C22orf31: variants seen among roughly 807,000 people sequenced by gnomAD.
The protein encoded by C22orf31 is chromosome 22 open reading frame 31, also known as uncharacterized protein C22orf31.
In C22orf31, 11 loss-of-function variants were observed where a neutral mutation model predicts 15.0. That is an observed-to-expected ratio of 0.73 (90% CI 0.46 to 1.21). C22orf31 has a LOEUF of 1.21. C22orf31 is among the 50% of genes most tolerant of loss of function. C22orf31 has a pLI of 0.00. For synonymous variants in C22orf31, 132 were observed against 133.3 expected, an observed-to-expected ratio of 0.99 and a Z score of 0.07; for missense variants, 340 against 347.2, an observed-to-expected ratio of 0.98 and a Z score of 0.17.
At chr22:29,073,394 C>T in the C22orf31 span, among the ~76,000 whole-genome samples, 2 of 151,730 alleles carry the variant, frequency 1.3e-5, no homozygotes, top group African/African-American at 2.4e-5. The surrounding 1 kb of genome is among the most constrained non-coding windows in gnomAD (Gnocchi z 4.4). Context: ...CTTCCTGGGA[C>T]CCGGGCTACC....
upstream of C22orf31, among the ~76,000 whole-genome samples, chr22:29,064,615 G>A (rs2037416569): frequency 6.8e-6 from 1 of 147,486 alleles, no homozygotes; most frequent in African/African-American, 2.5e-5. Context: ...CTGGGCTCAA[G>A]CAATCCTCCC....
At chr22:29,061,512 C>G (rs1369115033) in intron 1 of C22orf31, among the ~76,000 whole-genome samples, 3 of 152,060 alleles carry the variant, frequency 2.0e-5, no homozygotes, top group Non-Finnish European at 4.4e-5. Flanking sequence ...ATGATCCGCC[C>G]GCCTCAGCCT....
chr22:29,059,464 C>T (rs762680595), intron 2 of C22orf31, among the ~76,000 whole-genome samples: 6 of 152,200 alleles, frequency 3.9e-5, no homozygotes, highest in African/African-American at 9.7e-5. Context: ...TTGAATGCCA[C>T]GCAAGATCCT....
At chr22:29,064,579 T>C (rs1048711190), upstream of C22orf31, among the ~76,000 whole-genome samples, 1 of 151,614 alleles carries the variant, frequency 6.6e-6, no homozygotes, top group Non-Finnish European at 1.5e-5. Context: ...AGTGGTGTGA[T>C]CACGGCTCAT....
upstream of C22orf31, among the ~76,000 whole-genome samples, chr22:29,063,442 A>G (rs1045180529): frequency 3.9e-5 from 6 of 152,216 alleles, no homozygotes; most frequent in African/African-American, 1.4e-4. Flanking sequence ...CTGGGATTAC[A>G]GGCGTGAGCC....
chr22:29,066,850 C>A, the C22orf31 span, among the ~76,000 whole-genome samples: 1 of 152,020 alleles, frequency 6.6e-6, no homozygotes, highest in African/African-American at 2.4e-5. Context: ...CGGGAGCCAC[C>A]GCGCCCAGCC....
the C22orf31 span, chr22:29,073,164 T>C: frequency 1.7e-6 from 2 of 1,153,466 alleles, no homozygotes; most frequent in Non-Finnish European, 2.1e-6. The surrounding 1 kb of genome is among the most constrained non-coding windows in gnomAD (Gnocchi z 4.4). Flanking sequence ...CGCCCTGCTC[T>C]CCGCCGCGGC....
intron 1 of C22orf31, 106 bp from the exon 2 acceptor site, chr22:29,060,949 T>A: frequency 1.1e-6 from 1 of 926,468 alleles, no homozygotes; most frequent in East Asian, 2.4e-5. Flanking sequence ...TATAGGCCAT[T>A]CCTTCCACCC....
chr22:29,069,766 G>A, the C22orf31 span, among the ~76,000 whole-genome samples: 7 of 151,452 alleles, frequency 4.6e-5, no homozygotes, highest in African/African-American at 1.7e-4. Context: ...AGGTTAGAGG[G>A]ATGTTTTTCA....
chr22:29,068,278 T>G, the C22orf31 span, among the ~76,000 whole-genome samples: 2 of 151,812 alleles, frequency 1.3e-5, no homozygotes, highest in African/African-American at 4.8e-5. Flanking sequence ...TTTTTACAGA[T>G]GGGGTTTCAC....
At chr22:29,063,663 T>C (rs1329820156), upstream of C22orf31, among the ~76,000 whole-genome samples, 1 of 152,198 alleles carries the variant, frequency 6.6e-6, no homozygotes, top group African/African-American at 2.4e-5. Flanking sequence ...TCAATAAAAC[T>C]AATATTTATT....
rs192099646 is a variant in C22orf31 at position 29,060,883 on chromosome 22, C to T, written c.4-40G>A. On this transcript the variant is annotated intron_variant, in intron 1 of 2. Coordinates refer to ENST00000216071, the MANE Select transcript of C22orf31 (RefSeq NM_015370.2). ...AGGGAGAAATGAATTTTAAAAGGAC[C>T]GTTCTTCAGCAGAGAATAAAAGGTC... The T allele has an allele frequency of 1.8e-4, 277 of 1,527,862 alleles. No homozygotes were observed. The African/African-American group carries it at 2.1e-3, about 11-fold the overall frequency. The allele number at this position is 1,527,862 out of a possible 1,614,324, so 94.6% of individuals were successfully genotyped here. A position where few individuals can be genotyped will look rare whatever the true frequency, so the allele number is the denominator to read the frequency against.
intron 1 of C22orf31, among the ~76,000 whole-genome samples, chr22:29,061,245 C>T (rs1352420974): frequency 6.6e-6 from 1 of 152,140 alleles, no homozygotes; most frequent in Non-Finnish European, 1.5e-5. Context: ...TCTGCCAAGC[C>T]CTGAATACGC....
chr22:29,060,321 C>T, intron 2 of C22orf31, 94 bp downstream of exon 2: 1 of 1,172,248 alleles, frequency 8.5e-7, no homozygotes, highest in Non-Finnish European at 1.2e-6. Flanking sequence ...GCGGTAGCCG[C>T]ACGCCATATA....
At chr22:29,060,151 C>T in intron 2 of C22orf31, 1 of 239,070 alleles carries the variant, frequency 4.2e-6, no homozygotes, top group Non-Finnish European at 6.7e-6. Flanking sequence ...CCCTCCTTAG[C>T]CTCCCAAGTA....
chr22:29,072,936 C>G, the C22orf31 span: 1 of 151,660 alleles, frequency 6.6e-6, no homozygotes, highest in Non-Finnish European at 1.5e-5. Flanking sequence ...CCCCCCGGGC[C>G]TCTCCGCGGA....
intron 1 of C22orf31, among the ~76,000 whole-genome samples, chr22:29,061,246 C>G (rs2037388168): frequency 6.6e-6 from 1 of 152,176 alleles, no homozygotes; most frequent in Non-Finnish European, 1.5e-5. Flanking sequence ...CTGCCAAGCC[C>G]TGAATACGCT....
chr22:29,069,080 G>T, the C22orf31 span, among the ~76,000 whole-genome samples: 1 of 152,082 alleles, frequency 6.6e-6, no homozygotes, highest in African/African-American at 2.4e-5. Context: ...TACTTGTGAG[G>T]GTAAGACTAG....
At chr22:29,059,795 C>G in intron 2 of C22orf31, 2 of 985,282 alleles carry the variant, frequency 2.0e-6, no homozygotes, top group Non-Finnish European at 2.4e-6. Flanking sequence ...CAAGCATGCA[C>G]TACCCATATC....
Sources: allele counts gnomAD v4.1 joint callset (sites outside exome capture counted in the v4.1 genomes callset), GRCh38; gene constraint gnomAD v4.1.1; non-coding constraint Gnocchi (gnomAD v3.1); transcripts MANE v1.5; gene names NCBI Gene and HGNC (gene_info 2026-07-23, HGNC 2026-07-21).